The following MRPL42 variants were observed in gnomAD, a reference collection of about 807,000 sequenced individuals.
The protein encoded by MRPL42 is mitochondrial ribosomal protein L42.
Under a neutral mutation model 17.9 loss-of-function variants are expected in MRPL42, and 17 were observed. That is an observed-to-expected ratio of 0.95 (90% confidence interval 0.65 to 1.42). MRPL42 has a LOEUF of 1.42. Among genes scored for constraint, MRPL42 ranks in the 40% most tolerant of loss-of-function variants. The pLI is 0.00. For missense variants in MRPL42, 177 were observed against 175.2 expected, an observed-to-expected ratio of 1.01 and a Z score of -0.06; for synonymous variants, 59 against 54.4, an observed-to-expected ratio of 1.08 and a Z score of -0.37.
At chr12:93,479,811 A>AT (rs1302557659) in intron 4 of MRPL42, among the ~76,000 whole-genome samples, 1 of 151,394 alleles carries the variant, frequency 6.6e-6, no homozygotes, top group Non-Finnish European at 1.5e-5. Flanking sequence ...CTAGACAATT[A>AT]TGAGAAAGTT....
chr12:93,504,565 A>G lies in MRPL42; in HGVS notation c.*3344A>G, dbSNP rs1336848623. ...GGAAAATGTTTTAATTTGATCAGCC[A>G]CTTTAATGTATGTCTCATTTCAAAG... On this transcript the variant is annotated 3_prime_UTR_variant, in exon 6 of 6. Transcript: ENST00000549982. The G allele has an allele frequency of 6.6e-6, 1 of 152,206 alleles. No individual in the cohort carries two copies. Among genetic ancestry groups the G allele is most frequent in the Non-Finnish European group, 1.5e-5 (1 of 68,036 alleles). The allele number at this position is 152,206 out of a possible 1,614,324, so 9.4% of individuals were successfully genotyped here.
intron 2 of MRPL42, chr12:93,470,709 T>G (rs541714916): frequency 5.8e-6 from 2 of 343,164 alleles, no homozygotes; most frequent in Non-Finnish European, 9.2e-6. Context: ...AGTTAGAACA[T>G]GTAGTATTTG....
At position 93,508,872 on chromosome 12, in the gene MRPL42, T is replaced by A. The variant is rs1953697719; in HGVS notation, c.*7651T>A. On this transcript the variant is annotated 3_prime_UTR_variant, in exon 6 of 6. Transcript: ENST00000549982. ...TATATATTTTAACACTGTCTCTTTT[T>A]CACACACACTAGTTAGCTAAGAATG... is the stretch of plus-strand genomic sequence containing the variant. 6.6e-6 allele frequency: 1 copy of A among 152,128 alleles called. No individual in the cohort carries two copies. The highest frequency in any genetic ancestry group is 6.6e-5 in the Admixed American group (1 of 15,256). The allele number at this position is 152,128 out of a possible 1,614,324, so 9.4% of individuals were successfully genotyped here.
At chr12:93,480,212 C>T (rs972858079) in intron 4 of MRPL42, among the ~76,000 whole-genome samples, 1 of 152,076 alleles carries the variant, frequency 6.6e-6, no homozygotes, top group African/African-American at 2.4e-5. Context: ...CCTCCACCTC[C>T]TGGGTTCAAG....
At chr12:93,500,493 A>G (rs903391296) in intron 5 of MRPL42, among the ~76,000 whole-genome samples, 17 of 152,186 alleles carry the variant, frequency 1.1e-4, no homozygotes, top group Admixed American at 6.6e-5. Context: ...ATTTTGCATG[A>G]CATTACACAT....
chr12:93,500,357 T>C (rs1400727883), intron 5 of MRPL42, among the ~76,000 whole-genome samples: 1 of 152,220 alleles, frequency 6.6e-6, no homozygotes, highest in African/African-American at 2.4e-5. Flanking sequence ...GTTTATACTT[T>C]TAACCAGTCG....
Position 93,503,955 on chromosome 12 carries a change from G to A in MRPL42, c.*2734G>A, listed in dbSNP as rs888155354. The A allele has an allele frequency of 6.7e-6, 1 of 149,072 alleles. No individual in the cohort carries two copies. Among genetic ancestry groups the A allele is most frequent in the Non-Finnish European group, 1.5e-5 (1 of 67,280 alleles). The allele number at this position is 149,072 out of a possible 1,614,324, so 9.2% of individuals were successfully genotyped here. On this transcript the variant is annotated 3_prime_UTR_variant, in exon 6 of 6. Coordinates refer to ENST00000549982, the MANE Select transcript of MRPL42 (RefSeq NM_014050.4). ...ATAATGCTGTTATTAACATCCTGGT[G>A]GATTATTACCATTTTCTTTTTTTAT...
chr12:93,482,923 A>T (rs4761519), intron 4 of MRPL42, among the ~76,000 whole-genome samples: 1 of 150,824 alleles, frequency 6.6e-6, no homozygotes, highest in African/African-American at 2.4e-5. Context: ...ACAGAGTCTC[A>T]CTCTGTCAAC....
intron 4 of MRPL42, among the ~76,000 whole-genome samples, chr12:93,486,839 T>C (rs959019131): frequency 1.3e-5 from 2 of 151,906 alleles, no homozygotes; most frequent in Admixed American, 6.6e-5. Flanking sequence ...TTTTTTTTTA[T>C]TTGTAGTAGA....
intron 2 of MRPL42, among the ~76,000 whole-genome samples, chr12:93,475,893 A>C (rs1880146369): frequency 6.6e-6 from 1 of 151,984 alleles, no homozygotes; most frequent in Non-Finnish European, 1.5e-5. Flanking sequence ...AGGCAGGAGA[A>C]TGGCGTGAAC....
At chr12:93,488,073 C>T (rs1444634483) in intron 5 of MRPL42, among the ~76,000 whole-genome samples, 2 of 152,006 alleles carry the variant, frequency 1.3e-5, no homozygotes, top group Non-Finnish European at 2.9e-5. Flanking sequence ...CAGGTTCAAG[C>T]GATTCTCCTG....
chr12:93,498,184 T>TA (rs1304356548), intron 5 of MRPL42, among the ~76,000 whole-genome samples: 1 of 4,008 alleles, frequency 2.5e-4, no homozygotes, highest in Non-Finnish European at 5.8e-4. Flanking sequence ...TATCTTGTTT[T>TA]GTGTACTACA....
intron 4 of MRPL42, among the ~76,000 whole-genome samples, chr12:93,483,725 A>T (rs907985501): frequency 1.4e-4 from 22 of 152,122 alleles, no homozygotes; most frequent in African/African-American, 3.1e-4. Context: ...CCAAATTTTT[A>T]AAAAAATATT....
rs12425835 is a variant in MRPL42 at position 93,509,452 on chromosome 12, C to G, written c.*8231C>G. On this transcript the variant is annotated 3_prime_UTR_variant, in exon 6 of 6. Transcript: ENST00000549982. ...GAAATATCTGTTCAAATCATTTGCTCTTTTTTTTTTCTTAGCACTTAAAAA... is the reference window on the plus strand; with the variant it reads ...GAAATATCTGTTCAAATCATTTGCTGTTTTTTTTTTCTTAGCACTTAAAAA... The G allele has an allele frequency of 1.3e-5, 2 of 149,828 alleles. No homozygotes were observed. Among genetic ancestry groups the G allele is most frequent in the African/African-American group, 2.5e-5 (1 of 40,736 alleles). 9.3% of individuals were successfully genotyped at this position (149,828 alleles called of 1,614,324 possible).
chr12:93,487,473 T>C (rs749361739), intron 4 of MRPL42, 24 bp from the exon 5 acceptor site: 4 of 1,587,676 alleles, frequency 2.5e-6, no homozygotes, highest in Admixed American at 1.8e-5. Context: ...ATCTTCATGA[T>C]GTTTGTTACT....
In MRPL42 at chr12:93,505,138, C is replaced by G. The variant is rs1050942330; in HGVS notation, c.*3917C>G. ...ACTCATTACAGTCTGTCACATCATG[C>G]CCTAATTCTACTTGCCTGTAGCTAA... On this transcript the variant is annotated 3_prime_UTR_variant, in exon 6 of 6. Transcript: ENST00000549982. The G allele has an allele frequency of 7.9e-5, 12 of 152,092 alleles. No homozygotes were observed. The highest frequency in any genetic ancestry group is 2.7e-4 in the African/African-American group (11 of 41,400). 9.4% of individuals were successfully genotyped at this position (152,092 alleles called of 1,614,324 possible).
At chr12:93,497,714 G>T (rs541931598) in intron 5 of MRPL42, among the ~76,000 whole-genome samples, 15 of 151,300 alleles carry the variant, frequency 9.9e-5, no homozygotes, top group Admixed American at 7.9e-4. Flanking sequence ...ACATAGTACT[G>T]GGGAAGTCCT....
rs368321574 is a variant in MRPL42 at position 93,501,271 on chromosome 12, T to C, written c.*50T>C. On this transcript the variant is annotated 3_prime_UTR_variant, in exon 6 of 6. Transcript: ENST00000549982. The stretch of plus-strand genomic sequence containing the variant: ...AGAGAAATGTGCCTCATTTGCCATT[T>C]GAGAAAATGCAGTCTGGTGTATTCA... 4.8e-6 allele frequency: 7 copies of C among 1,458,650 alleles called. No individual in the cohort carries two copies. The highest frequency in any genetic ancestry group is 6.6e-6 in the Non-Finnish European group (7 of 1,062,682). The allele number at this position is 1,458,650 out of a possible 1,614,324, so 90.4% of individuals were successfully genotyped here. A position where few individuals can be genotyped will look rare whatever the true frequency, so the allele number is the denominator to read the frequency against.
At chr12:93,490,605 G>A (rs1382872194) in intron 5 of MRPL42, among the ~76,000 whole-genome samples, 2 of 152,106 alleles carry the variant, frequency 1.3e-5, no homozygotes, top group African/African-American at 4.8e-5. Context: ...TCAAGTGTTG[G>A]TTTCTGGATG....
Sources: allele counts gnomAD v4.1 joint callset (sites outside exome capture counted in the v4.1 genomes callset), GRCh38; gene constraint gnomAD v4.1.1; transcripts MANE v1.5; gene names NCBI Gene and HGNC (gene_info 2026-07-23, HGNC 2026-07-21).